Variants in BBX observed in about 807,000 individuals in gnomAD.
The protein encoded by BBX is BBX high mobility group box domain containing, also known as HMG box transcription factor BBX.
Under a neutral mutation model 100.2 loss-of-function variants are expected in BBX, and 30 were observed. The observed-to-expected ratio is 0.30, with a 90% CI of 0.22 to 0.41. The LOEUF (loss-of-function observed/expected upper bound fraction) is 0.41. Ranked by LOEUF, BBX falls within the 10% of genes least tolerant of loss-of-function variation. The probability of loss-of-function intolerance (pLI) is 1.00; values close to 1 mark genes in which losing one functional copy is unlikely to be tolerated. For missense variants in BBX, 1,023 were observed against 1,129.8 expected (o/e 0.91, Z 1.35); for synonymous variants, 376 against 388.1 (o/e 0.97, Z 0.37).
At chr3:107,724,221 G>A (rs1184251546) in intron 5 of BBX, among the ~76,000 whole-genome samples, 2 of 152,178 alleles carry the variant, frequency 1.3e-5, no homozygotes, top group Non-Finnish European at 2.9e-5. Context: ...TTTGAGAAGT[G>A]TCTGTTCATA....
intron 4 of BBX, among the ~76,000 whole-genome samples, chr3:107,713,125 C>G (rs2061839947): frequency 6.6e-6 from 1 of 152,152 alleles, no homozygotes; most frequent in South Asian, 2.1e-4. Context: ...TATGAAGAAA[C>G]TTTGCCACCC....
At chr3:107,724,891 G>T (rs1357789973) in intron 5 of BBX, among the ~76,000 whole-genome samples, 1 of 152,188 alleles carries the variant, frequency 6.6e-6, no homozygotes, top group Non-Finnish European at 1.5e-5. Context: ...GGCAATGCGG[G>T]TTCCTTTTTG....
chr3:107,663,282 T>G (rs2107870751), intron 3 of BBX, among the ~76,000 whole-genome samples: 1 of 152,320 alleles, frequency 6.6e-6, no homozygotes, highest in South Asian at 2.1e-4. Flanking sequence ...ATTGTCTGTG[T>G]TTATAATTCT....
intron 2 of BBX, among the ~76,000 whole-genome samples, chr3:107,578,202 T>C (rs908452850): frequency 6.6e-6 from 1 of 152,174 alleles, no homozygotes; most frequent in Middle Eastern, 3.2e-3. Context: ...TTCTTTAAGA[T>C]AAACAGTATC....
chr3:107,737,227 A>T (rs1332571279), intron 7 of BBX, among the ~76,000 whole-genome samples: 5 of 152,080 alleles, frequency 3.3e-5, no homozygotes, highest in Non-Finnish European at 1.5e-5. Context: ...TTTCATATTC[A>T]ACTTGCAAGT....
chr3:107,766,425 T>C (rs2066400355), intron 10 of BBX, among the ~76,000 whole-genome samples: 1 of 152,176 alleles, frequency 6.6e-6, no homozygotes, highest in South Asian at 2.1e-4. Flanking sequence ...AGACTATTTT[T>C]AACTGTTTAG....
At chr3:107,658,005 G>C (rs539352036) in intron 3 of BBX, among the ~76,000 whole-genome samples, 30 of 152,138 alleles carry the variant, frequency 2.0e-4, no homozygotes, top group Middle Eastern at 3.4e-3. Context: ...GAAAATTTAG[G>C]GATATCTAAA....
chr3:107,715,789 C>T (rs986605262), intron 4 of BBX, among the ~76,000 whole-genome samples: 1 of 152,196 alleles, frequency 6.6e-6, no homozygotes, highest in Non-Finnish European at 1.5e-5. Context: ...ATGGAATGGA[C>T]AGATTCGGAG....
At chr3:107,677,893 C>T (rs1229321553) in intron 3 of BBX, among the ~76,000 whole-genome samples, 4 of 152,172 alleles carry the variant, frequency 2.6e-5, no homozygotes, top group Non-Finnish European at 5.9e-5. Flanking sequence ...TATACCCCAA[C>T]GTCTTCTTTT....
In BBX at chr3:107,801,092, C is replaced by T; in HGVS notation, c.2552-3C>T. 6.2e-7 allele frequency: 1 copy of T among 1,613,392 alleles called. No homozygotes were observed. The highest frequency in any genetic ancestry group is 8.5e-7 in the Non-Finnish European group (1 of 1,179,632). ...CTCATGATGGATTTCTCTTTTGTTA[C>T]AGATGACAAACCAAAGGAACAACTG... On this transcript the variant is annotated splice_region_variant and splice_polypyrimidine_tract_variant and intron_variant, in intron 16 of 17. Coordinates refer to ENST00000325805, the MANE Select transcript of BBX (RefSeq NM_001142568.3).
chr3:107,698,109 T>A (rs1437934281), intron 3 of BBX, among the ~76,000 whole-genome samples: 1 of 151,706 alleles, frequency 6.6e-6, no homozygotes, highest in Non-Finnish European at 1.5e-5. Flanking sequence ...CACTCCCTAG[T>A]GAGATGAACC....
At chr3:107,558,219 T>C (rs2050224752) in intron 2 of BBX, among the ~76,000 whole-genome samples, 1 of 152,218 alleles carries the variant, frequency 6.6e-6, no homozygotes, top group Non-Finnish European at 1.5e-5. Flanking sequence ...CCGGGCGCAG[T>C]GGCTCATGCC....
intron 3 of BBX, among the ~76,000 whole-genome samples, chr3:107,685,125 G>C (rs2059776572): frequency 6.6e-6 from 1 of 152,162 alleles, no homozygotes; most frequent in African/African-American, 2.4e-5. Context: ...AAATAAGAAT[G>C]TATTAGTTTT....
chr3:107,786,358 A>G (rs930158713), intron 13 of BBX, among the ~76,000 whole-genome samples: 1 of 152,140 alleles, frequency 6.6e-6, no homozygotes, highest in Non-Finnish European at 1.5e-5. Context: ...AGAAAAAACA[A>G]AACAATCTTA....
intron 2 of BBX, among the ~76,000 whole-genome samples, chr3:107,613,864 T>G (rs541148250): frequency 6.6e-5 from 10 of 152,106 alleles, no homozygotes; most frequent in African/African-American, 2.2e-4. Flanking sequence ...TTATTATTAC[T>G]GTTAAGAGAC....
At chr3:107,651,448 C>T (rs997477344) in intron 3 of BBX, among the ~76,000 whole-genome samples, 8 of 152,086 alleles carry the variant, frequency 5.3e-5, no homozygotes, top group Non-Finnish European at 7.4e-5. Context: ...GGAATTACAT[C>T]ATTATAAAAA....
chr3:107,551,373 C>T (rs192579481), intron 2 of BBX, among the ~76,000 whole-genome samples: 6 of 152,312 alleles, frequency 3.9e-5, no homozygotes, highest in Admixed American at 6.5e-5. Context: ...GTGGTTTCCA[C>T]GAAAGCATTT....
At chr3:107,754,576 A>G (rs957898888) in intron 9 of BBX, among the ~76,000 whole-genome samples, 1 of 152,194 alleles carries the variant, frequency 6.6e-6, no homozygotes, top group East Asian at 1.9e-4. Context: ...TATTCTAGGG[A>G]AAATTTCTTC....
chr3:107,742,135 T>G (rs1347885761), intron 7 of BBX, among the ~76,000 whole-genome samples: 1 of 152,202 alleles, frequency 6.6e-6, no homozygotes, highest in Non-Finnish European at 1.5e-5. Flanking sequence ...TAAATAATTA[T>G]TGCATTGAGC....
Sources: gnomAD v4.1 joint callset for allele counts (sites outside exome capture counted in the v4.1 genomes callset) on GRCh38, gnomAD v4.1.1 for gene constraint, MANE v1.5 for transcripts, NCBI Gene and HGNC (gene_info 2026-07-23, HGNC 2026-07-21) for gene names.